Variants in ANO3 observed in about 807,000 individuals in gnomAD.
The protein encoded by ANO3 is anoctamin 3, also known as anoctamin-3.
ANO3 carries 99 observed loss-of-function variants against 144.8 expected under a neutral mutation model. The ratio of observed to expected loss-of-function variants is 0.68; its 90% confidence interval spans 0.58 to 0.81. The LOEUF (loss-of-function observed/expected upper bound fraction) is 0.81. Ranked by LOEUF, ANO3 falls within the 30% of genes least tolerant of loss-of-function variation. ANO3 has a pLI of 0.00. For synonymous variants in ANO3, 414 were observed against 392.6 expected, an observed-to-expected ratio of 1.05 and a Z score of -0.64; for missense variants, 905 against 1,202.2, an observed-to-expected ratio of 0.75 and a Z score of 3.66.
chr11:26,626,657 A>C (rs1047032207), intron 18 of ANO3, among the ~76,000 whole-genome samples: 3 of 152,374 alleles, frequency 2.0e-5, no homozygotes, highest in East Asian at 3.9e-4. Flanking sequence ...CACTGCTGCC[A>C]TAATCTGAAA....
chr11:26,466,705 A>G (rs899954383), intron 4 of ANO3, among the ~76,000 whole-genome samples: 1 of 151,978 alleles, frequency 6.6e-6, no homozygotes, highest in Non-Finnish European at 1.5e-5. Flanking sequence ...AACTGAGACC[A>G]GAAGAGCTAC....
At chr11:26,439,558 C>T (rs1858437850) in intron 1 of ANO3, among the ~76,000 whole-genome samples, 1 of 152,196 alleles carries the variant, frequency 6.6e-6, no homozygotes, top group Admixed American at 6.5e-5. Context: ...GTTTGCACGA[C>T]TCTGTGCATA....
chr11:26,400,933 A>G (rs1947693), intron 1 of ANO3, among the ~76,000 whole-genome samples: 1,955 of 152,016 alleles, frequency 0.013, 42 homozygotes, highest in African/African-American at 0.045. Flanking sequence ...AAAAGAAAAT[A>G]CCAAGTTGCT....
chr11:26,638,033 A>C (rs566708256), intron 20 of ANO3, among the ~76,000 whole-genome samples: 1 of 152,306 alleles, frequency 6.6e-6, no homozygotes, highest in East Asian at 1.9e-4. Flanking sequence ...AAATCTAAAA[A>C]AGCAGAAAAG....
At chr11:26,238,735 A>G (rs1030346837) in intron 1 of ANO3, among the ~76,000 whole-genome samples, 2 of 152,068 alleles carry the variant, frequency 1.3e-5, no homozygotes, top group Admixed American at 6.6e-5. Context: ...ATGTGTATGA[A>G]ATAAAATATA....
intron 1 of ANO3, among the ~76,000 whole-genome samples, chr11:26,198,449 T>C (rs2133909739): frequency 6.6e-6 from 1 of 152,116 alleles, no homozygotes; most frequent in African/African-American, 2.4e-5. Context: ...GAAAAATAAA[T>C]GATAAAGTAG....
At chr11:26,577,338 C>T (rs111364348) in intron 14 of ANO3, among the ~76,000 whole-genome samples, 25 of 151,534 alleles carry the variant, frequency 1.6e-4, no homozygotes, top group African/African-American at 2.7e-4. Context: ...CTGCGGTGGG[C>T]GGATCACCTG....
intron 5 of ANO3, among the ~76,000 whole-genome samples, chr11:26,513,394 T>C (rs79050397): frequency 0.011 from 1,638 of 152,232 alleles, 36 homozygotes; most frequent in African/African-American, 0.037. Context: ...AAGATGACGA[T>C]GATGTAAACC....
chr11:26,612,994 T>C (rs1291717387), intron 17 of ANO3, among the ~76,000 whole-genome samples: 1 of 152,144 alleles, frequency 6.6e-6, no homozygotes, highest in Non-Finnish European at 1.5e-5. Flanking sequence ...TTGAATCTAA[T>C]AGGGGACTTT....
At chr11:26,420,751 A>G (rs1317901459) in intron 1 of ANO3, among the ~76,000 whole-genome samples, 1 of 151,914 alleles carries the variant, frequency 6.6e-6, no homozygotes, top group African/African-American at 2.4e-5. Context: ...TCAACTCTTT[A>G]TTGGTTTCTT....
intron 10 of ANO3, among the ~76,000 whole-genome samples, chr11:26,538,800 G>A (rs1180765918): frequency 1.3e-5 from 2 of 152,128 alleles, no homozygotes; most frequent in African/African-American, 2.4e-5. Flanking sequence ...AAACAATGTT[G>A]TTGAAATACA....
intron 24 of ANO3, among the ~76,000 whole-genome samples, chr11:26,652,255 G>C (rs567480649): frequency 1.3e-5 from 2 of 152,278 alleles, no homozygotes; most frequent in East Asian, 3.9e-4. Context: ...CCATTTGCCC[G>C]TCTACTTTTT....
chr11:26,338,127 A>C (rs1855240778), intron 1 of ANO3, among the ~76,000 whole-genome samples: 1 of 151,972 alleles, frequency 6.6e-6, no homozygotes, highest in South Asian at 2.1e-4. Context: ...AAAAAAAAAA[A>C]AACAGCAAAA....
chr11:26,452,981 G>A (rs913172801), intron 3 of ANO3, among the ~76,000 whole-genome samples: 4 of 152,158 alleles, frequency 2.6e-5, no homozygotes, highest in African/African-American at 9.7e-5. Flanking sequence ...GCTAAACTAA[G>A]CTTCATAAGT....
At chr11:26,505,401 G>A (rs10834997) in intron 4 of ANO3, among the ~76,000 whole-genome samples, 95,797 of 151,982 alleles carry the variant, frequency 0.63, 30,830 homozygotes, top group East Asian at 0.79. Flanking sequence ...AAATCAAGAA[G>A]GCAGTTGGAT....
At chr11:26,477,908 G>C (rs1860045345) in intron 4 of ANO3, among the ~76,000 whole-genome samples, 1 of 151,950 alleles carries the variant, frequency 6.6e-6, no homozygotes. Flanking sequence ...ATATGAACAG[G>C]GATACTCATT....
chr11:26,243,134 C>T (rs1852697308), intron 1 of ANO3, among the ~76,000 whole-genome samples: 1 of 152,034 alleles, frequency 6.6e-6, no homozygotes, highest in Non-Finnish European at 1.5e-5. Flanking sequence ...GAAGAAATGC[C>T]AAAGCAGGGA....
intron 20 of ANO3, among the ~76,000 whole-genome samples, chr11:26,636,702 CTG>C (rs1852970676): frequency 6.6e-6 from 1 of 152,216 alleles, no homozygotes; most frequent in African/African-American, 2.4e-5. Context: ...GCTCTGAACA[CTG>C]TGCTTTCCAG....
At chr11:26,230,524 C>CGG (rs949142026) in intron 1 of ANO3, among the ~76,000 whole-genome samples, 1 of 151,878 alleles carries the variant, frequency 6.6e-6, no homozygotes, top group African/African-American at 2.4e-5. Context: ...TGGCCAGGCA[C>CGG]GGTAGCTCAC....
Sources: gnomAD v4.1 joint callset for allele counts (sites outside exome capture counted in the v4.1 genomes callset) on GRCh38, gnomAD v4.1.1 for gene constraint, MANE v1.5 for transcripts, NCBI Gene and HGNC (gene_info 2026-07-23, HGNC 2026-07-21) for gene names.